DHRSX: variants seen among roughly 807,000 people sequenced by gnomAD.
DHRSX encodes polyprenol dehydrogenase.
DHRSX carries 31 observed loss-of-function variants against 34.0 expected under a neutral mutation model. That is an observed-to-expected ratio of 0.91 (90% confidence interval 0.69 to 1.23). The LOEUF (loss-of-function observed/expected upper bound fraction) is 1.23, where lower values mean the gene tolerates loss of function less well. DHRSX is among the 50% of genes most tolerant of loss of function. The pLI is 0.00. For missense variants in DHRSX, 414 were observed against 428.1 expected (o/e 0.97, Z 0.29); for synonymous variants, 201 against 183.8 (o/e 1.09, Z -0.76).
chrX:2,377,690 C>T (rs776198994), intron 3 of DHRSX, among the ~76,000 whole-genome samples: 66 of 152,102 alleles, frequency 4.3e-4, no homozygotes, highest in African/African-American at 1.5e-3. Flanking sequence ...CACAGCCCTG[C>T]CTTAATACTC....
chrX:2,480,375 CAAAG>C (rs2044750593), intron 1 of DHRSX, among the ~76,000 whole-genome samples: 3 of 150,756 alleles, frequency 2.0e-5, no homozygotes, highest in Admixed American at 6.7e-5. Flanking sequence ...AAGTGTTTGT[CAAAG>C]AACATAAAAT....
intron 1 of DHRSX, among the ~76,000 whole-genome samples, chrX:2,445,153 G>A (rs940006325): frequency 2.6e-5 from 4 of 152,190 alleles, no homozygotes; most frequent in Admixed American, 6.6e-5. Flanking sequence ...GTGGAATTCC[G>A]TCTCAAAAAC....
At chrX:2,308,084 AGAAAT>A (rs1011056111) in intron 3 of DHRSX, among the ~76,000 whole-genome samples, 3 of 152,122 alleles carry the variant, frequency 2.0e-5, no homozygotes, top group Non-Finnish European at 4.4e-5. Flanking sequence ...GATAATTTAG[AGAAAT>A]GAAAGTTAGA....
intron 1 of DHRSX, among the ~76,000 whole-genome samples, chrX:2,432,375 T>G (rs2043938190): frequency 6.6e-6 from 1 of 152,054 alleles, no homozygotes; most frequent in African/African-American, 2.4e-5. Flanking sequence ...ATTCGAAAAT[T>G]GCTGTGGGGA....
intron 1 of DHRSX, 132 bp from the exon 2 acceptor site, chrX:2,425,436 T>G: frequency 2.6e-6 from 2 of 782,466 alleles, no homozygotes; most frequent in Non-Finnish European, 2.1e-6. Context: ...CTGTTCCTCT[T>G]GAATTCCCAC....
chrX:2,452,959 A>T (rs1367040690), intron 1 of DHRSX, among the ~76,000 whole-genome samples: 1 of 152,164 alleles, frequency 6.6e-6, no homozygotes, highest in East Asian at 1.9e-4. Context: ...TTTCCAAGAG[A>T]CGGAATAAAC....
At chrX:2,453,433 A>T (rs2044252594) in intron 1 of DHRSX, among the ~76,000 whole-genome samples, 1 of 151,992 alleles carries the variant, frequency 6.6e-6, no homozygotes, top group Admixed American at 6.6e-5. Flanking sequence ...GCTACATGGG[A>T]GGCTGAGGCA....
At chrX:2,284,522 C>A (rs1022498804) in intron 4 of DHRSX, among the ~76,000 whole-genome samples, 1 of 152,128 alleles carries the variant, frequency 6.6e-6, no homozygotes, top group African/African-American at 2.4e-5. Flanking sequence ...CACCCTGTAT[C>A]GTGGACGTAT....
intron 5 of DHRSX, among the ~76,000 whole-genome samples, chrX:2,243,786 C>CTTTTTTTTTTTT (rs2016202191): frequency 4.0e-5 from 1 of 25,140 alleles, no homozygotes; most frequent in East Asian, 1.7e-3. Context: ...ACTATGCTCC[C>CTTTTTTTTTTTT]TGTTTTTTTT....
chrX:2,489,442 C>T (rs1305177302), intron 1 of DHRSX: 3 of 1,613,790 alleles, frequency 1.9e-6, no homozygotes, highest in Non-Finnish European at 2.5e-6. Flanking sequence ...GGAGCATGTG[C>T]AGCAGCGGCT....
chrX:2,436,358 T>C (rs890342677), intron 1 of DHRSX, among the ~76,000 whole-genome samples: 5 of 151,902 alleles, frequency 3.3e-5, no homozygotes, highest in African/African-American at 1.2e-4. Flanking sequence ...TCTACTGTCA[T>C]GAGCTTCAGG....
chrX:2,474,650 A>T (rs6641584), intron 1 of DHRSX, among the ~76,000 whole-genome samples: 1 of 144,940 alleles, frequency 6.9e-6, no homozygotes, highest in East Asian at 2.1e-4. Context: ...CCTAACAATG[A>T]GGCCAAGGGA....
chrX:2,236,856 G>C (rs1460249094), intron 6 of DHRSX, among the ~76,000 whole-genome samples: 1 of 150,896 alleles, frequency 6.6e-6, no homozygotes, highest in Non-Finnish European at 1.5e-5. Flanking sequence ...AGAAGGTCCA[G>C]AGAGGGTGGT....
intron 6 of DHRSX, among the ~76,000 whole-genome samples, chrX:2,233,634 G>A (rs905221335): frequency 6.6e-6 from 1 of 152,110 alleles, no homozygotes; most frequent in Non-Finnish European, 1.5e-5. Context: ...TCAGTCCAAT[G>A]AATGTTTATT....
chrX:2,357,205 T>A (rs2042866303), intron 3 of DHRSX, among the ~76,000 whole-genome samples: 1 of 151,970 alleles, frequency 6.6e-6, no homozygotes, highest in African/African-American at 2.4e-5. Context: ...GATCACACCA[T>A]TGCACTCTGG....
chrX:2,316,182 C>T (rs1738489662), intron 3 of DHRSX, among the ~76,000 whole-genome samples: 1 of 149,238 alleles, frequency 6.7e-6, no homozygotes, highest in Admixed American at 6.7e-5. Context: ...TTCATTTTGG[C>T]TGTCAGACAA....
Position 2,376,335 on chromosome X carries a change from GA to G in DHRSX, c.286+32409del, listed in dbSNP as rs2043140675. Among the ~76,000 whole-genome samples the G allele has an allele frequency of 1.5e-5, 2 of 137,506 alleles. 1 individual carries two copies. The highest frequency in any genetic ancestry group is 3.4e-5 in the Non-Finnish European group (2 of 58,230). The allele number at this position is 137,506 out of a possible 152,430, so 90.2% of individuals were successfully genotyped here. On this transcript the variant is annotated intron_variant, in intron 3 of 6. Coordinates refer to ENST00000334651, the MANE Select transcript of DHRSX (RefSeq NM_145177.3). ...AAGCACAAAAGGGAAATGTCAGAAA[GA>G]AACCAGCAAAGGAAGCCAGCATCAT... is the stretch of plus-strand genomic sequence containing the variant.
chrX:2,488,903 T>C, intron 1 of DHRSX: 1 of 1,607,956 alleles, frequency 6.2e-7, no homozygotes, highest in Non-Finnish European at 8.5e-7. Flanking sequence ...CCAGTACTTC[T>C]GCAGCACCTT....
chrX:2,283,960 GAATTCACTCATTCCTTTGAATTCACTC>G (rs2041769213), intron 4 of DHRSX, among the ~76,000 whole-genome samples: 1 of 145,800 alleles, frequency 6.9e-6, no homozygotes, highest in Non-Finnish European at 1.5e-5. Flanking sequence ...TCATTCCTTT[GAATTCACTCATTCCTTTGAATTCACTC>G]ATTCCTTTGA....
Sources: gnomAD v4.1 joint callset for allele counts (sites outside exome capture counted in the v4.1 genomes callset) on GRCh38, gnomAD v4.1.1 for gene constraint, MANE v1.5 for transcripts, NCBI Gene and HGNC (gene_info 2026-07-23, HGNC 2026-07-21) for gene names.